Variants in SEMA3A observed in about 807,000 individuals in gnomAD.
The protein encoded by SEMA3A is semaphorin-3A.
Under a neutral mutation model 97.9 loss-of-function variants are expected in SEMA3A, and 29 were observed. The ratio of observed to expected loss-of-function variants is 0.30; its 90% CI spans 0.22 to 0.40. The LOEUF (loss-of-function observed/expected upper bound fraction) is 0.40. SEMA3A is among the 10% of genes least tolerant of loss of function. The probability of loss-of-function intolerance (pLI) is 1.00; values close to 1 mark genes in which losing one functional copy is unlikely to be tolerated. For synonymous variants in SEMA3A, 321 were observed against 323.7 expected (o/e 0.99, Z 0.09); for missense variants, 763 against 951.3 (o/e 0.80, Z 2.60).
At chr7:84,328,554 TTC>T (rs1234321255) in intron 2 of SEMA3A, among the ~76,000 whole-genome samples, 1 of 152,062 alleles carries the variant, frequency 6.6e-6, no homozygotes, top group Admixed American at 6.6e-5. Flanking sequence ...ATTTGAAAGC[TTC>T]TCTTTTGATG....
chr7:83,998,328 G>C lies in SEMA3A; in HGVS notation c.1452+3627C>G, dbSNP rs1790300513. On this transcript the variant is annotated intron_variant, in intron 12 of 16. Transcript: ENST00000265362. The stretch of plus-strand genomic sequence containing the variant: ...TACTGTACTGAATATTTTAGGCAAT[G>C]ATAACACAATAGTAAGTATTTGTGT... Among the ~76,000 whole-genome samples the C allele has an allele frequency of 2.0e-5, 3 of 152,276 alleles. No individual in the cohort carries two copies. The South Asian group carries it at 6.2e-4, about 32-fold the overall frequency.
intron 2 of SEMA3A, among the ~76,000 whole-genome samples, chr7:84,346,267 G>T (rs569880119): frequency 6.6e-6 from 1 of 152,128 alleles, no homozygotes; most frequent in Non-Finnish European, 1.5e-5. Context: ...CTTCTATCCA[G>T]ACCACTAAAA....
At chr7:84,388,313 C>A (rs571890401) in intron 1 of SEMA3A, among the ~76,000 whole-genome samples, 1 of 151,934 alleles carries the variant, frequency 6.6e-6, no homozygotes, top group Non-Finnish European at 1.5e-5. Flanking sequence ...TAACCATAAC[C>A]TTTTATACTT....
intron 12 of SEMA3A, among the ~76,000 whole-genome samples, chr7:84,000,768 T>C (rs182353508): frequency 2.0e-5 from 3 of 152,312 alleles, no homozygotes; most frequent in African/African-American, 7.2e-5. Flanking sequence ...CAATGTTAAT[T>C]ATAATGCCAA....
At chr7:84,263,095 G>A (rs181028863) in intron 3 of SEMA3A, among the ~76,000 whole-genome samples, 2 of 152,166 alleles carry the variant, frequency 1.3e-5, no homozygotes, top group South Asian at 2.1e-4. Flanking sequence ...TTCCCAAATG[G>A]GACTTTTCCA....
chr7:83,978,155 T>A (rs1009993125), intron 14 of SEMA3A, among the ~76,000 whole-genome samples: 1 of 152,102 alleles, frequency 6.6e-6, no homozygotes, highest in Admixed American at 6.5e-5. Context: ...ATGGCTATGA[T>A]TGCAAACCAA....
chr7:84,087,130 G>A (rs377193905), intron 4 of SEMA3A, among the ~76,000 whole-genome samples: 8 of 151,804 alleles, frequency 5.3e-5, no homozygotes, highest in African/African-American at 9.7e-5. Context: ...AAATATTTAC[G>A]TTGTTGCATC....
At chr7:84,433,717 C>A (rs561053351) in intron 1 of SEMA3A, among the ~76,000 whole-genome samples, 1 of 152,128 alleles carries the variant, frequency 6.6e-6, no homozygotes, top group Non-Finnish European at 1.5e-5. Flanking sequence ...GTTCATATTT[C>A]TCCACATCCT....
intron 3 of SEMA3A, among the ~76,000 whole-genome samples, chr7:84,222,291 T>A (rs1584140871): frequency 6.6e-6 from 1 of 151,964 alleles, no homozygotes; most frequent in East Asian, 1.9e-4. Flanking sequence ...ATGTCCTATC[T>A]TCAGGTATTC....
At chr7:84,473,818 T>C (rs1806213571) in intron 1 of SEMA3A, among the ~76,000 whole-genome samples, 1 of 152,174 alleles carries the variant, frequency 6.6e-6, no homozygotes, top group African/African-American at 2.4e-5. Context: ...TAAACATTGG[T>C]TCTAAGAGTA....
intron 6 of SEMA3A, among the ~76,000 whole-genome samples, chr7:84,023,760 C>A (rs563710448): frequency 6.6e-6 from 1 of 152,286 alleles, no homozygotes; most frequent in South Asian, 2.1e-4. Flanking sequence ...CCTGTAATCC[C>A]AGCACTTTGG....
chr7:84,291,531 C>T (rs1263393262), intron 3 of SEMA3A, among the ~76,000 whole-genome samples: 1 of 151,588 alleles, frequency 6.6e-6, no homozygotes, highest in Non-Finnish European at 1.5e-5. Context: ...TTACGTAATG[C>T]TGTCTCTTCC....
At chr7:84,236,462 C>T (rs1799238194) in intron 3 of SEMA3A, among the ~76,000 whole-genome samples, 1 of 152,098 alleles carries the variant, frequency 6.6e-6, no homozygotes, top group Non-Finnish European at 1.5e-5. Flanking sequence ...ATATGATTGC[C>T]TCTCTTTGCA....
At chr7:84,413,244 T>C (rs1048398602) in intron 1 of SEMA3A, among the ~76,000 whole-genome samples, 2 of 152,064 alleles carry the variant, frequency 1.3e-5, no homozygotes, top group Admixed American at 6.6e-5. Flanking sequence ...TAAGTGAAGG[T>C]TTTTTAACAA....
intron 3 of SEMA3A, among the ~76,000 whole-genome samples, chr7:84,299,963 C>T (rs1415071538): frequency 4.3e-5 from 6 of 138,262 alleles, no homozygotes; most frequent in African/African-American, 1.4e-4. Context: ...ACCAGGGAGG[C>T]GGAGGTTGTG....
chr7:84,078,160 CA>C (rs1794017494), intron 4 of SEMA3A, among the ~76,000 whole-genome samples: 1 of 151,744 alleles, frequency 6.6e-6, no homozygotes, highest in Non-Finnish European at 1.5e-5. Context: ...TTACAATGAC[CA>C]TACAAGATAT....
chr7:84,358,447 C>T (rs1464967635), intron 2 of SEMA3A, among the ~76,000 whole-genome samples: 3 of 151,878 alleles, frequency 2.0e-5, no homozygotes, highest in Non-Finnish European at 4.4e-5. Flanking sequence ...AGATAGTTGT[C>T]AATGTGTGGT....
At chr7:84,430,118 A>G (rs1804941608) in intron 1 of SEMA3A, among the ~76,000 whole-genome samples, 1 of 151,946 alleles carries the variant, frequency 6.6e-6, no homozygotes, top group South Asian at 2.1e-4. Context: ...GTCTTTGACA[A>G]TCTTTATATT....
At chr7:84,484,268 T>C (rs1439298878) in intron 1 of SEMA3A, among the ~76,000 whole-genome samples, 1 of 152,118 alleles carries the variant, frequency 6.6e-6, no homozygotes, top group Non-Finnish European at 1.5e-5. Context: ...AGTGTTCTTA[T>C]AGTAGCAGAG....
Sources: allele counts gnomAD v4.1 joint callset (sites outside exome capture counted in the v4.1 genomes callset), GRCh38; gene constraint gnomAD v4.1.1; transcripts MANE v1.5; gene names NCBI Gene and HGNC (gene_info 2026-07-23, HGNC 2026-07-21).